The following XKR9 variants were observed in gnomAD, a reference collection of about 807,000 sequenced individuals.
XKR9 encodes the protein XK related 9, also known as XK-related protein 9.
Under a neutral mutation model 32.0 loss-of-function variants are expected in XKR9, and 32 were observed. That is an observed-to-expected ratio of 1.00 (90% CI 0.76 to 1.34). XKR9 has a LOEUF of 1.34. Among genes scored for constraint, XKR9 ranks in the 40% most tolerant of loss-of-function variants. XKR9 has a pLI of 0.00. For synonymous variants in XKR9, 168 were observed against 143.4 expected, an observed-to-expected ratio of 1.17 and a Z score of -1.22; for missense variants, 546 against 429.7, an observed-to-expected ratio of 1.27 and a Z score of -2.39.
the XKR9 span, among the ~76,000 whole-genome samples, chr8:70,867,869 G>A: frequency 6.6e-6 from 1 of 152,210 alleles, no homozygotes; most frequent in East Asian, 1.9e-4. Context: ...GAGCAGGTTA[G>A]TTACTTCCTA....
intron 2 of XKR9, among the ~76,000 whole-genome samples, chr8:70,754,929 G>A (rs1317553584): frequency 8.1e-4 from 124 of 152,148 alleles, no homozygotes; most frequent in South Asian, 2.9e-3. Flanking sequence ...TAATTAAACT[G>A]AAGAGCTTCT....
the XKR9 span, among the ~76,000 whole-genome samples, chr8:70,951,535 T>C: frequency 6.6e-6 from 1 of 152,296 alleles, no homozygotes; most frequent in Non-Finnish European, 1.5e-5. Flanking sequence ...GCAAATGTTC[T>C]GTAAATAGCA....
At chr8:70,831,343 T>C in the XKR9 span, among the ~76,000 whole-genome samples, 1 of 151,458 alleles carries the variant, frequency 6.6e-6, no homozygotes, top group African/African-American at 2.4e-5. Context: ...AAATTTCAAA[T>C]TCTGTTGTTC....
chr8:70,985,735 T>G, the XKR9 span, among the ~76,000 whole-genome samples: 1 of 152,000 alleles, frequency 6.6e-6, no homozygotes, highest in Admixed American at 6.6e-5. Context: ...GAATTAAAAA[T>G]AAAAACAAGA....
chr8:70,993,656 T>A, the XKR9 span, among the ~76,000 whole-genome samples: 3 of 142,064 alleles, frequency 2.1e-5, no homozygotes, highest in East Asian at 4.7e-4. Flanking sequence ...CTTCCTTCCT[T>A]CCTTCCTTCC....
the XKR9 span, among the ~76,000 whole-genome samples, chr8:70,797,179 A>C: frequency 6.6e-6 from 1 of 152,206 alleles, no homozygotes. Flanking sequence ...GGATTTTAAA[A>C]AATGAGGTAA....
the XKR9 span, among the ~76,000 whole-genome samples, chr8:70,923,059 CT>C: frequency 6.6e-6 from 1 of 152,238 alleles, no homozygotes; most frequent in East Asian, 1.9e-4. Flanking sequence ...ATTATTCTGG[CT>C]TGTGCCAGAC....
At chr8:70,697,932 A>G (rs1323782448) in intron 3 of XKR9, among the ~76,000 whole-genome samples, 55 of 152,024 alleles carry the variant, frequency 3.6e-4, no homozygotes, top group East Asian at 2.7e-3. Context: ...TGTGTCGAGG[A>G]ATTTATCCAT....
intron 2 of XKR9, among the ~76,000 whole-genome samples, chr8:70,746,289 A>G (rs1276304915): frequency 6.7e-6 from 1 of 149,144 alleles, no homozygotes; most frequent in Non-Finnish European, 1.5e-5. Flanking sequence ...AGTGGTTCTC[A>G]TTCTTTAGTG....
the XKR9 span, among the ~76,000 whole-genome samples, chr8:70,966,118 C>A: frequency 1.3e-5 from 2 of 152,078 alleles, no homozygotes; most frequent in Non-Finnish European, 2.9e-5. Context: ...TGTTGTCTCT[C>A]TGTTTTCATT....
chr8:70,690,028 G>A (rs1819455760), intron 3 of XKR9, among the ~76,000 whole-genome samples: 1 of 152,076 alleles, frequency 6.6e-6, no homozygotes, highest in African/African-American at 2.4e-5. Flanking sequence ...AAAGAAAATT[G>A]AATTAGGTTG....
At chr8:70,926,143 C>T in the XKR9 span, among the ~76,000 whole-genome samples, 3 of 152,148 alleles carry the variant, frequency 2.0e-5, no homozygotes, top group Admixed American at 6.5e-5. Flanking sequence ...GGCGCGATCT[C>T]GGCTCACTGC....
At chr8:70,683,699 G>T (rs890875033) in intron 3 of XKR9, 4 of 341,372 alleles carry the variant, frequency 1.2e-5, no homozygotes, top group Non-Finnish European at 2.3e-5. Context: ...TGTTGGCCAG[G>T]CTGGTCTCGA....
the XKR9 span, among the ~76,000 whole-genome samples, chr8:70,969,453 A>G: frequency 1.3e-5 from 2 of 152,202 alleles, no homozygotes; most frequent in South Asian, 4.1e-4. Context: ...CCAACAAGCC[A>G]TGGACTAAAT....
At chr8:70,865,175 A>G in the XKR9 span, among the ~76,000 whole-genome samples, 4 of 152,128 alleles carry the variant, frequency 2.6e-5, no homozygotes, top group Admixed American at 6.5e-5. Flanking sequence ...GTTTACTTAA[A>G]TGAGTGGAGA....
chr8:70,996,010 A>G, the XKR9 span, among the ~76,000 whole-genome samples: 3 of 151,750 alleles, frequency 2.0e-5, no homozygotes, highest in Non-Finnish European at 4.4e-5. Context: ...CTTCTATTGT[A>G]TGTATTTTTG....
chr8:70,716,364 G>T (rs1806088310), intron 4 of XKR9, among the ~76,000 whole-genome samples: 1 of 152,124 alleles, frequency 6.6e-6, no homozygotes, highest in South Asian at 2.1e-4. Context: ...CTGCTATGAA[G>T]AACTGCCCGA....
At chr8:70,961,170 A>C in the XKR9 span, among the ~76,000 whole-genome samples, 1 of 152,248 alleles carries the variant, frequency 6.6e-6, no homozygotes, top group South Asian at 2.1e-4. Flanking sequence ...ACTCCATCTC[A>C]AACAAAAACA....
the XKR9 span, among the ~76,000 whole-genome samples, chr8:70,920,056 T>C: frequency 6.6e-6 from 1 of 152,200 alleles, no homozygotes; most frequent in Non-Finnish European, 1.5e-5. Context: ...TCTGCTGATA[T>C]CAGCAGCAGT....
Sources: allele counts gnomAD v4.1 joint callset (sites outside exome capture counted in the v4.1 genomes callset), GRCh38; gene constraint gnomAD v4.1.1; transcripts MANE v1.5; gene names NCBI Gene and HGNC (gene_info 2026-07-23, HGNC 2026-07-21).